SPAG16: variants seen among roughly 807,000 people sequenced by gnomAD.
SPAG16 encodes sperm-associated antigen 16 protein.
Under a neutral mutation model 80.4 loss-of-function variants are expected in SPAG16, and 86 were observed. The observed-to-expected ratio is 1.07, with a 90% CI of 0.90 to 1.28. SPAG16 has a LOEUF of 1.28. Among genes scored for constraint, SPAG16 ranks in the 50% most tolerant of loss-of-function variants. The pLI is 0.00. For synonymous variants in SPAG16, 294 were observed against 265.9 expected (o/e 1.11, Z -1.03); for missense variants, 870 against 765.3 (o/e 1.14, Z -1.61).
chr2:213,632,612 T>C (rs1052808539), intron 10 of SPAG16, among the ~76,000 whole-genome samples: 11 of 152,166 alleles, frequency 7.2e-5, no homozygotes, highest in Non-Finnish European at 1.2e-4. Flanking sequence ...AAGACTGTCA[T>C]ATATGGCTTT....
intron 15 of SPAG16, among the ~76,000 whole-genome samples, chr2:214,394,956 A>G (rs1054565030): frequency 9.9e-5 from 15 of 152,214 alleles, no homozygotes; most frequent in African/African-American, 3.6e-4. Context: ...AATAAAAATC[A>G]GACAGTATGT....
intron 14 of SPAG16, among the ~76,000 whole-genome samples, chr2:214,135,423 G>T (rs1234130294): frequency 6.6e-6 from 1 of 152,012 alleles, no homozygotes; most frequent in Non-Finnish European, 1.5e-5. Flanking sequence ...TAGCTGTTTT[G>T]GTGTGTTTTA....
chr2:213,786,611 T>G (rs1422352248), intron 10 of SPAG16, among the ~76,000 whole-genome samples: 1 of 152,188 alleles, frequency 6.6e-6, no homozygotes, highest in Non-Finnish European at 1.5e-5. Context: ...ACAAACACTT[T>G]GTGGCCTCAG....
At chr2:214,343,290 T>C (rs935690606) in intron 15 of SPAG16, among the ~76,000 whole-genome samples, 12 of 152,108 alleles carry the variant, frequency 7.9e-5, no homozygotes, top group Admixed American at 5.2e-4. Flanking sequence ...GTTGCCAAAC[T>C]GGCTGTAAAA....
intron 15 of SPAG16, among the ~76,000 whole-genome samples, chr2:214,166,321 A>G (rs984069751): frequency 6.6e-6 from 1 of 152,046 alleles, no homozygotes. Context: ...TGACTTGCCT[A>G]TTGACTTGTG....
At chr2:214,276,549 T>TA (rs1692474293) in intron 15 of SPAG16, among the ~76,000 whole-genome samples, 1 of 152,206 alleles carries the variant, frequency 6.6e-6, no homozygotes, top group Non-Finnish European at 1.5e-5. Flanking sequence ...CTACTTCACT[T>TA]ACGATGCTTA....
At chr2:213,668,130 G>T (rs1299218706) in intron 10 of SPAG16, among the ~76,000 whole-genome samples, 1 of 151,784 alleles carries the variant, frequency 6.6e-6, no homozygotes, top group South Asian at 2.1e-4. Flanking sequence ...TAGTAGAAAC[G>T]GTTTCACCAT....
chr2:213,745,167 AT>A (rs2067758578), intron 10 of SPAG16, among the ~76,000 whole-genome samples: 2 of 152,176 alleles, frequency 1.3e-5, no homozygotes, highest in Admixed American at 1.3e-4. Context: ...GATGTCTATG[AT>A]TTTAAAAAAC....
At chr2:213,843,087 C>T (rs2074444660) in intron 10 of SPAG16, among the ~76,000 whole-genome samples, 1 of 151,424 alleles carries the variant, frequency 6.6e-6, no homozygotes, top group Non-Finnish European at 1.5e-5. Flanking sequence ...CCGTGCCTGG[C>T]CTTTAGGTGC....
chr2:214,319,200 C>CCACACACACACACACACA (rs61711759), intron 15 of SPAG16, among the ~76,000 whole-genome samples: 35,306 of 142,002 alleles, frequency 0.25, 5,138 homozygotes, highest in South Asian at 0.39. Flanking sequence ...CACACACACA[C>CCACACACACACACACACA]CACACACACA....
At chr2:213,700,561 G>A (rs2065361424) in intron 10 of SPAG16, among the ~76,000 whole-genome samples, 1 of 152,114 alleles carries the variant, frequency 6.6e-6, no homozygotes, top group Admixed American at 6.5e-5. Flanking sequence ...TCTTAATGAA[G>A]GGATAATCAT....
intron 10 of SPAG16, among the ~76,000 whole-genome samples, chr2:213,605,287 G>C (rs1169873064): frequency 7.2e-6 from 1 of 139,738 alleles, no homozygotes; most frequent in Non-Finnish European, 1.5e-5. Flanking sequence ...TTTTTTTTGA[G>C]ATGGAGTCTC....
chr2:213,921,786 A>G (rs1038902220), intron 11 of SPAG16, among the ~76,000 whole-genome samples: 1 of 152,216 alleles, frequency 6.6e-6, no homozygotes, highest in African/African-American at 2.4e-5. Flanking sequence ...TCCTTCACTT[A>G]TGAAGCTTGG....
chr2:213,735,779 T>C (rs2067255314), intron 10 of SPAG16, among the ~76,000 whole-genome samples: 2 of 152,224 alleles, frequency 1.3e-5, no homozygotes, highest in African/African-American at 2.4e-5. Flanking sequence ...AGCTAGTCAG[T>C]CTCTGCCATG....
chr2:213,776,072 T>G (rs1028446260), intron 10 of SPAG16, among the ~76,000 whole-genome samples: 5 of 152,222 alleles, frequency 3.3e-5, no homozygotes, highest in African/African-American at 7.2e-5. Context: ...AAGGTCTCAG[T>G]AGGCAAAGTA....
At chr2:213,293,396 G>A (rs536024211) in intron 1 of SPAG16, among the ~76,000 whole-genome samples, 2 of 152,168 alleles carry the variant, frequency 1.3e-5, no homozygotes, top group African/African-American at 2.4e-5. Context: ...CTGAGTAGAC[G>A]TGACCCATGT....
At chr2:213,823,043 C>T (rs2073052155) in intron 10 of SPAG16, among the ~76,000 whole-genome samples, 1 of 152,132 alleles carries the variant, frequency 6.6e-6, no homozygotes, top group African/African-American at 2.4e-5. Context: ...CGTAAGTGTG[C>T]ATGTGTCTTA....
At chr2:213,740,986 T>C (rs1221822023) in intron 10 of SPAG16, among the ~76,000 whole-genome samples, 2 of 152,208 alleles carry the variant, frequency 1.3e-5, no homozygotes, top group African/African-American at 4.8e-5. Context: ...TAGTGTGAGT[T>C]TTTAAAGTTT....
At chr2:214,389,455 A>G (rs1185973059) in intron 15 of SPAG16, among the ~76,000 whole-genome samples, 1 of 151,698 alleles carries the variant, frequency 6.6e-6, no homozygotes, top group Non-Finnish European at 1.5e-5. Context: ...CTCAGCTCCA[A>G]GCATGAAAGC....
Sources: gnomAD v4.1 joint callset for allele counts (sites outside exome capture counted in the v4.1 genomes callset) on GRCh38, gnomAD v4.1.1 for gene constraint, MANE v1.5 for transcripts, NCBI Gene and HGNC (gene_info 2026-07-23, HGNC 2026-07-21) for gene names.